DACH2: variants seen among roughly 807,000 people sequenced by gnomAD.
The protein encoded by DACH2 is dachshund homolog 2.
A neutral mutation model predicts 35.8 loss-of-function variants in DACH2; 17 were observed. The observed-to-expected ratio is 0.48, with a 90% CI of 0.33 to 0.71. The LOEUF is 0.71. Ranked by LOEUF, DACH2 falls within the 30% of genes least tolerant of loss-of-function variation. The pLI, the probability that DACH2 is intolerant of heterozygous loss-of-function variation, is 0.02. For synonymous variants in DACH2, 195 were observed against 177.3 expected (o/e 1.10, Z -0.79); for missense variants, 469 against 472.7 (o/e 0.99, Z 0.07).
chrX:86,181,965 T>C (rs2031508104), intron 1 of DACH2, among the ~76,000 whole-genome samples: 1 of 112,431 alleles, frequency 8.9e-6, no homozygotes, highest in African/African-American at 3.2e-5. Flanking sequence ...ATATGTTCAT[T>C]GGCCTCATAA....
At chrX:86,292,373 C>G (rs1366375485) in intron 1 of DACH2, among the ~76,000 whole-genome samples, 1 of 95,788 alleles carries the variant, frequency 1.0e-5, no homozygotes, top group Non-Finnish European at 2.1e-5. Flanking sequence ...ATTCAAAAAA[C>G]CAGCTCCTGG....
At chrX:86,817,207 G>A (rs2042461933) in intron 11 of DACH2, among the ~76,000 whole-genome samples, 1 of 111,976 alleles carries the variant, frequency 8.9e-6, no homozygotes, top group South Asian at 3.7e-4. Context: ...AAGCATGCAT[G>A]CTTAACTCAT....
intron 7 of DACH2, among the ~76,000 whole-genome samples, chrX:86,779,945 T>C (rs1275837646): frequency 1.8e-5 from 2 of 111,111 alleles, no homozygotes. Context: ...TTGCTGCTCA[T>C]GGACTAGGAA....
At chrX:86,340,542 C>G (rs1281073189) in intron 1 of DACH2, among the ~76,000 whole-genome samples, 1 of 110,826 alleles carries the variant, frequency 9.0e-6, no homozygotes, top group Admixed American at 9.7e-5. Context: ...TAAAACTAGT[C>G]CAAGTAAACA....
intron 3 of DACH2, among the ~76,000 whole-genome samples, chrX:86,628,928 C>A (rs1191735443): frequency 8.9e-6 from 1 of 111,962 alleles, no homozygotes; most frequent in South Asian, 3.7e-4. Context: ...TTAACAAGTA[C>A]AAAACACATT....
chrX:86,418,980 G>A (rs2036755352), intron 2 of DACH2, among the ~76,000 whole-genome samples: 1 of 111,582 alleles, frequency 9.0e-6, no homozygotes, highest in Non-Finnish European at 1.9e-5. Flanking sequence ...GGGCCCAAAT[G>A]CCTCCAGTCT....
At chrX:86,539,807 A>T (rs932423377) in intron 3 of DACH2, among the ~76,000 whole-genome samples, 3 of 111,589 alleles carry the variant, frequency 2.7e-5, no homozygotes, top group Admixed American at 9.6e-5. Context: ...TATGAATGTA[A>T]ACAACTTAGC....
intron 4 of DACH2, among the ~76,000 whole-genome samples, chrX:86,673,118 G>C (rs746220856): frequency 7.2e-5 from 8 of 110,663 alleles, no homozygotes; most frequent in Non-Finnish European, 9.5e-5. Flanking sequence ...GGTGGATCAC[G>C]AGGTCAGGAG....
intron 7 of DACH2, among the ~76,000 whole-genome samples, chrX:86,775,898 T>C (rs747873516): frequency 1.8e-5 from 2 of 111,784 alleles, no homozygotes; most frequent in African/African-American, 3.3e-5. Flanking sequence ...AAATACACAT[T>C]ATCAGGTAGA....
At chrX:86,287,028 A>G (rs1336911649) in intron 1 of DACH2, among the ~76,000 whole-genome samples, 1 of 111,343 alleles carries the variant, frequency 9.0e-6, no homozygotes. Flanking sequence ...TTCTCATTGA[A>G]AGACTTCATT....
chrX:86,389,186 T>C (rs778755875), intron 2 of DACH2, among the ~76,000 whole-genome samples: 1 of 112,199 alleles, frequency 8.9e-6, no homozygotes, highest in Admixed American at 9.5e-5. Flanking sequence ...TAGTTCTTTA[T>C]TTGATTGAAA....
At chrX:86,176,028 G>A (rs984078890) in intron 1 of DACH2, among the ~76,000 whole-genome samples, 1 of 111,617 alleles carries the variant, frequency 9.0e-6, no homozygotes, top group Non-Finnish European at 1.9e-5. Context: ...ATTTCACCAC[G>A]TAAAGCTGTG....
intron 4 of DACH2, among the ~76,000 whole-genome samples, chrX:86,661,202 G>C (rs943459343): frequency 8.9e-6 from 1 of 111,975 alleles, no homozygotes; most frequent in Non-Finnish European, 1.9e-5. Flanking sequence ...CAGTTCAGTG[G>C]TTTTAGTATA....
Position 86,618,719 on chromosome X carries a change from T to C in DACH2, c.641-32317T>C, listed in dbSNP as rs1396083749. Reference sequence around the variant, plus strand: ...AGACAGTGTTTTGAGTTACAGACTTTTCATGAGTAGTTTTATCTTTTTATG... The same window carrying C: ...AGACAGTGTTTTGAGTTACAGACTTCTCATGAGTAGTTTTATCTTTTTATG... On this transcript the variant is annotated intron_variant, in intron 3 of 11. Coordinates refer to ENST00000373125, the MANE Select transcript of DACH2 (RefSeq NM_053281.3). Among the ~76,000 whole-genome samples, 5 of 112,274 alleles carry C rather than the reference T, an allele frequency of 4.5e-5. No homozygotes were observed. In the East Asian group the frequency reaches 1.4e-3, roughly 32 times the overall value.
intron 3 of DACH2, among the ~76,000 whole-genome samples, chrX:86,519,068 C>T (rs1341730751): frequency 9.0e-6 from 1 of 111,694 alleles, no homozygotes; most frequent in Non-Finnish European, 1.9e-5. Context: ...AAGGTATGTT[C>T]CTTTAATACC....
chrX:86,827,027 T>A (rs1184162019), intron 11 of DACH2, among the ~76,000 whole-genome samples: 1 of 112,219 alleles, frequency 8.9e-6, no homozygotes, highest in Non-Finnish European at 1.9e-5. Flanking sequence ...TTCTACTAGT[T>A]CTCATTGCAG....
At chrX:86,263,730 C>T (rs980205493) in intron 1 of DACH2, among the ~76,000 whole-genome samples, 1 of 111,529 alleles carries the variant, frequency 9.0e-6, no homozygotes, top group African/African-American at 3.3e-5. Context: ...CTGTTCTTCT[C>T]TGTGTGAATC....
intron 1 of DACH2, among the ~76,000 whole-genome samples, chrX:86,348,259 A>T (rs1302847038): frequency 8.9e-6 from 1 of 111,972 alleles, no homozygotes; most frequent in Non-Finnish European, 1.9e-5. Flanking sequence ...CTGTTTTGTC[A>T]TTAGGTTTAT....
chrX:86,404,510 A>G (rs770633677), intron 2 of DACH2, among the ~76,000 whole-genome samples: 107 of 112,277 alleles, frequency 9.5e-4, no homozygotes, highest in Non-Finnish European at 1.8e-3. Context: ...ACTCCACTCC[A>G]TGTCTCACAT....
Sources: allele counts gnomAD v4.1 joint callset (sites outside exome capture counted in the v4.1 genomes callset), GRCh38; gene constraint gnomAD v4.1.1; transcripts MANE v1.5; gene names NCBI Gene and HGNC (gene_info 2026-07-23, HGNC 2026-07-21).